ANO2: variants seen among roughly 807,000 people sequenced by gnomAD.
The protein encoded by ANO2 is anoctamin 2.
Under a neutral mutation model 124.2 loss-of-function variants are expected in ANO2, and 101 were observed. That is an observed-to-expected ratio of 0.81 (90% confidence interval 0.69 to 0.96). The LOEUF is 0.96. Among genes scored for constraint, ANO2 ranks in the 40% least tolerant of loss-of-function variants. The pLI is 0.00. For missense variants in ANO2, 1,293 were observed against 1,274.5 expected (o/e 1.01, Z -0.22); for synonymous variants, 486 against 482.5 (o/e 1.01, Z -0.09).
At chr12:5,585,748 T>C (rs1239537162) in intron 20 of ANO2, among the ~76,000 whole-genome samples, 1 of 152,202 alleles carries the variant, frequency 6.6e-6, no homozygotes, top group Non-Finnish European at 1.5e-5. Context: ...ATGTAGTGCG[T>C]GAGTTCGAAG....
intron 16 of ANO2, among the ~76,000 whole-genome samples, chr12:5,617,805 G>A (rs1478230120): frequency 6.6e-6 from 1 of 152,220 alleles, no homozygotes; most frequent in African/African-American, 2.4e-5. Context: ...GTTACTACAT[G>A]CCTTCAGCAG....
At chr12:5,568,302 C>A (rs922080053) in intron 23 of ANO2, among the ~76,000 whole-genome samples, 1 of 151,968 alleles carries the variant, frequency 6.6e-6, no homozygotes, top group Non-Finnish European at 1.5e-5. Flanking sequence ...CCACCACACC[C>A]GGCTAATTTT....
intron 14 of ANO2, among the ~76,000 whole-genome samples, chr12:5,711,467 C>A (rs11063830): frequency 0.12 from 18,816 of 152,182 alleles, 1,303 homozygotes; most frequent in East Asian, 0.22. Flanking sequence ...GAACCATAAG[C>A]CACATGAATC....
intron 14 of ANO2, among the ~76,000 whole-genome samples, chr12:5,709,138 G>A (rs942185912): frequency 1.3e-5 from 2 of 152,066 alleles, no homozygotes; most frequent in South Asian, 2.1e-4. Flanking sequence ...TCCAAAAGCC[G>A]CCCCTTATGT....
At chr12:5,598,434 C>G (rs1943769027) in intron 20 of ANO2, among the ~76,000 whole-genome samples, 2 of 152,138 alleles carry the variant, frequency 1.3e-5, no homozygotes, top group African/African-American at 4.8e-5. Context: ...CAGCTCAGTG[C>G]AAGCTGTGTC....
chr12:5,740,094 G>A (rs573560638), intron 12 of ANO2: 76 of 416,030 alleles, frequency 1.8e-4, no homozygotes, highest in African/African-American at 1.2e-3. Flanking sequence ...GCCTTTCTCA[G>A]CATGCTCTAG....
At chr12:5,631,578 G>A (rs540832639) in intron 16 of ANO2, among the ~76,000 whole-genome samples, 10 of 152,320 alleles carry the variant, frequency 6.6e-5, no homozygotes, top group African/African-American at 2.2e-4. Flanking sequence ...TCCATCAACA[G>A]CTGATGGATG....
intron 10 of ANO2, among the ~76,000 whole-genome samples, chr12:5,795,270 A>G (rs1952813103): frequency 6.6e-6 from 1 of 152,194 alleles, no homozygotes; most frequent in South Asian, 2.1e-4. Flanking sequence ...TCACTCTCAG[A>G]TCCTCGTGGA....
At chr12:5,589,910 G>A (rs937133425) in intron 20 of ANO2, among the ~76,000 whole-genome samples, 12 of 152,114 alleles carry the variant, frequency 7.9e-5, no homozygotes, top group Admixed American at 6.5e-5. Flanking sequence ...GGAGGGCCTC[G>A]CTAGGAGCAC....
At chr12:5,939,061 A>G (rs1942780805) in intron 1 of ANO2, among the ~76,000 whole-genome samples, 1 of 151,422 alleles carries the variant, frequency 6.6e-6, no homozygotes, top group Non-Finnish European at 1.5e-5. Flanking sequence ...TACTAAAAAT[A>G]CAAAAATTAG....
chr12:5,618,182 T>C (rs898346586), intron 16 of ANO2, among the ~76,000 whole-genome samples: 1 of 152,224 alleles, frequency 6.6e-6, no homozygotes, highest in Non-Finnish European at 1.5e-5. Context: ...CCTCCCTGCC[T>C]GAAGGTCACC....
At chr12:5,630,277 G>A (rs916858927) in intron 16 of ANO2, among the ~76,000 whole-genome samples, 7 of 152,230 alleles carry the variant, frequency 4.6e-5, no homozygotes, top group African/African-American at 1.7e-4. Context: ...GGCAAACGAA[G>A]TCTTAAGCCT....
At chr12:5,684,538 T>C (rs1948628269) in intron 14 of ANO2, among the ~76,000 whole-genome samples, 1 of 152,156 alleles carries the variant, frequency 6.6e-6, no homozygotes, top group Non-Finnish European at 1.5e-5. Flanking sequence ...GAAATGTCAG[T>C]CCTCCACAGA....
chr12:5,648,509 A>G (rs1045373829), intron 14 of ANO2, among the ~76,000 whole-genome samples: 2 of 152,152 alleles, frequency 1.3e-5, no homozygotes, highest in African/African-American at 4.8e-5. Context: ...ATCCTGCGAC[A>G]ATCGTTATCA....
chr12:5,710,051 G>A (rs1949756242), intron 14 of ANO2, among the ~76,000 whole-genome samples: 1 of 152,236 alleles, frequency 6.6e-6, no homozygotes, highest in African/African-American at 2.4e-5. Context: ...GGAGGCTCGT[G>A]AGTGAAGAAA....
chr12:5,636,661 G>A lies in ANO2; in HGVS notation c.1621-1314C>T, dbSNP rs1166960852. Among the ~76,000 whole-genome samples the A allele has an allele frequency of 7.0e-6, 1 of 143,276 alleles. No individual in the cohort carries two copies. Among genetic ancestry groups the A allele is most frequent in the Non-Finnish European group, 1.6e-5 (1 of 64,430 alleles). The allele number at this position is 143,276 out of a possible 152,430, so 94.0% of individuals were successfully genotyped here. On this transcript the variant is annotated intron_variant, in intron 15 of 24. Coordinates refer to ENST00000682330, the MANE Select transcript of ANO2 (RefSeq NM_001364791.2). The surrounding 1 kb of genome is among the most constrained non-coding windows in gnomAD (Gnocchi z 4.6). The stretch of plus-strand genomic sequence containing the variant: ...ACACACACACACACGCATGCACAGG[G>A]AGGGAGGCAGGAAGGAGGGGGTAAG...
chr12:5,919,898 C>T (rs975400935), intron 3 of ANO2, among the ~76,000 whole-genome samples: 3 of 152,080 alleles, frequency 2.0e-5, no homozygotes, highest in Admixed American at 6.6e-5. Flanking sequence ...AGGGTTTCAC[C>T]ATGTTAGCCA....
At chr12:5,711,382 C>T (rs1414317845) in intron 14 of ANO2, among the ~76,000 whole-genome samples, 1 of 152,168 alleles carries the variant, frequency 6.6e-6, no homozygotes, top group Admixed American at 6.5e-5. Context: ...TCCCTCTTCA[C>T]CTTCCACCAT....
At chr12:5,834,327 C>T (rs1277629311) in intron 4 of ANO2, among the ~76,000 whole-genome samples, 1 of 152,194 alleles carries the variant, frequency 6.6e-6, no homozygotes, top group Non-Finnish European at 1.5e-5. Context: ...GATAGCTTCA[C>T]GTTACTTCAA....
Sources: allele counts gnomAD v4.1 joint callset (sites outside exome capture counted in the v4.1 genomes callset), GRCh38; gene constraint gnomAD v4.1.1; non-coding constraint Gnocchi (gnomAD v3.1); transcripts MANE v1.5; gene names NCBI Gene and HGNC (gene_info 2026-07-23, HGNC 2026-07-21).